ESR1: variants seen among roughly 807,000 people sequenced by gnomAD.
ESR1 encodes estrogen receptor 1.
Under a neutral mutation model 52.7 loss-of-function variants are expected in ESR1, and 12 were observed. The observed-to-expected ratio is 0.23, with a 90% CI of 0.15 to 0.37. The LOEUF (loss-of-function observed/expected upper bound fraction) is 0.37. ESR1 is among the 10% of genes least tolerant of loss of function. The pLI, the probability that ESR1 is intolerant of heterozygous loss-of-function variation, is 1.00. For synonymous variants in ESR1, 305 were observed against 316.8 expected, an observed-to-expected ratio of 0.96 and a Z score of 0.39; for missense variants, 584 against 779.7, an observed-to-expected ratio of 0.75 and a Z score of 2.99.
intron 5 of ESR1, among the ~76,000 whole-genome samples, chr6:152,028,270 C>G (rs1319592618): frequency 1.3e-5 from 2 of 152,320 alleles, no homozygotes; most frequent in East Asian, 3.9e-4. Context: ...CCAGGTTCAT[C>G]TCACTGGGGA....
At chr6:151,935,834 C>T (rs75109026) in intron 3 of ESR1, among the ~76,000 whole-genome samples, 2,033 of 152,266 alleles carry the variant, frequency 0.013, 49 homozygotes, top group African/African-American at 0.047. Flanking sequence ...TTCTAAATTT[C>T]TGTAACTTTA....
chr6:151,954,845 G>T (rs1355175842), intron 4 of ESR1, among the ~76,000 whole-genome samples: 1 of 152,096 alleles, frequency 6.6e-6, no homozygotes, highest in Non-Finnish European at 1.5e-5. Flanking sequence ...CTTTATTGCT[G>T]TCTACAATTC....
At chr6:151,903,912 G>A (rs543149970) in intron 3 of ESR1, among the ~76,000 whole-genome samples, 70 of 152,162 alleles carry the variant, frequency 4.6e-4, no homozygotes, top group African/African-American at 1.6e-3. Context: ...AATTTCTAGA[G>A]GTAGAGACAG....
chr6:151,714,090 G>A (rs1304421877), intron 2 of ESR1, among the ~76,000 whole-genome samples: 1 of 152,096 alleles, frequency 6.6e-6, no homozygotes, highest in South Asian at 2.1e-4. Flanking sequence ...CCTTAATTCT[G>A]TCATTTACAC....
intron 2 of ESR1, among the ~76,000 whole-genome samples, chr6:151,865,068 C>G (rs922627516): frequency 2.0e-5 from 3 of 151,912 alleles, no homozygotes; most frequent in African/African-American, 7.2e-5. Context: ...GCACATGTAC[C>G]CTAGAACTTA....
intron 5 of ESR1, among the ~76,000 whole-genome samples, chr6:152,036,743 T>C (rs1051431028): frequency 3.9e-5 from 6 of 152,170 alleles, no homozygotes; most frequent in Non-Finnish European, 7.3e-5. Context: ...TTTTCTATAG[T>C]ATGTAATTAC....
At chr6:151,811,876 C>T (rs1778892389) in intron 1 of ESR1, among the ~76,000 whole-genome samples, 1 of 152,152 alleles carries the variant, frequency 6.6e-6, no homozygotes, top group South Asian at 2.1e-4. Context: ...TTCACCTCCT[C>T]CATGTGGCTT....
At chr6:152,041,438 T>C (rs1487341795) in intron 5 of ESR1, among the ~76,000 whole-genome samples, 1 of 152,242 alleles carries the variant, frequency 6.6e-6, no homozygotes, top group Non-Finnish European at 1.5e-5. Context: ...CTAGGCATTG[T>C]GCCTCTTTCT....
At chr6:151,955,313 G>T (rs953935282) in intron 4 of ESR1, among the ~76,000 whole-genome samples, 5 of 152,136 alleles carry the variant, frequency 3.3e-5, no homozygotes, top group African/African-American at 7.2e-5. Flanking sequence ...GCTAGATAGG[G>T]TGTTGTGCAA....
chr6:152,010,639 A>G (rs1246376195), intron 4 of ESR1, among the ~76,000 whole-genome samples: 2 of 152,054 alleles, frequency 1.3e-5, no homozygotes, highest in African/African-American at 4.8e-5. Context: ...CACTTGATCC[A>G]AATTCTCTAA....
At chr6:151,673,468 G>A (rs888707569) in intron 1 of ESR1, among the ~76,000 whole-genome samples, 1 of 152,232 alleles carries the variant, frequency 6.6e-6, no homozygotes, top group Middle Eastern at 3.4e-3. Context: ...TGGTATTAAC[G>A]TGACTCTTTT....
intron 2 of ESR1, among the ~76,000 whole-genome samples, chr6:151,858,416 AT>A (rs1788268679): frequency 6.6e-6 from 1 of 152,098 alleles, no homozygotes; most frequent in African/African-American, 2.4e-5. Flanking sequence ...TCTGTCACTG[AT>A]TGCAGTTGCA....
intron 5 of ESR1, among the ~76,000 whole-genome samples, chr6:152,035,349 C>CA (rs1419620424): frequency 6.6e-6 from 1 of 151,360 alleles, no homozygotes; most frequent in Admixed American, 6.6e-5. Context: ...TCAAAACTAT[C>CA]ATGTATTTTG....
At chr6:151,709,982 T>C (rs950221619) in intron 2 of ESR1, among the ~76,000 whole-genome samples, 1 of 151,760 alleles carries the variant, frequency 6.6e-6, no homozygotes, top group Non-Finnish European at 1.5e-5. Flanking sequence ...TAGTATTTTT[T>C]ACATCTGGAA....
At chr6:152,035,287 T>C (rs1000097942) in intron 5 of ESR1, among the ~76,000 whole-genome samples, 23 of 150,618 alleles carry the variant, frequency 1.5e-4, no homozygotes, top group African/African-American at 5.6e-4. Context: ...TAATTATACA[T>C]ATATAATTTT....
chr6:152,099,544 C>A lies in ESR1; in HGVS notation c.*578C>A, dbSNP rs539841084. 2.1e-4 allele frequency: 51 copies of A among 244,142 alleles called. No individual in the cohort carries two copies. The highest frequency in any genetic ancestry group is 1.1e-3 in the African/African-American group (48 of 45,680). The allele number at this position is 244,142 out of a possible 1,614,324, so 15.1% of individuals were successfully genotyped here. On this transcript the variant is annotated 3_prime_UTR_variant, in exon 8 of 8. Transcript: ENST00000206249. ...GCAGAGTATCTGGTGATTGTCAATTCATTCCCCCTATAGGAATACAAGGGG... is the reference window on the plus strand; with the variant it reads ...GCAGAGTATCTGGTGATTGTCAATTAATTCCCCCTATAGGAATACAAGGGG...
chr6:152,053,844 G>A lies in ESR1; in HGVS notation c.1236-7147G>A, dbSNP rs1379706978. 1.3e-5 allele frequency among the ~76,000 whole-genome samples: 2 copies of A among 152,164 alleles called. No individual in the cohort carries two copies. The highest frequency in any genetic ancestry group is 4.8e-5 in the African/African-American group (2 of 41,440). On this transcript the variant is annotated intron_variant, in intron 5 of 7. Coordinates refer to ENST00000206249, the MANE Select transcript of ESR1 (RefSeq NM_000125.4). The surrounding 1 kb of genome is among the most constrained non-coding windows in gnomAD (Gnocchi z 4.1). ...AAAAGGTTAAATGTTTACACCCCTT[G>A]ATTCTGCTATTGTATGTGTAAGGAT...
At chr6:151,774,202 C>T (rs1785761467) in intron 2 of ESR1, among the ~76,000 whole-genome samples, 1 of 152,148 alleles carries the variant, frequency 6.6e-6, no homozygotes, top group East Asian at 1.9e-4. Context: ...GTACTGGCAA[C>T]CAAAGATGGG....
chr6:151,771,106 T>G (rs2128107910), intron 2 of ESR1, among the ~76,000 whole-genome samples: 1 of 152,316 alleles, frequency 6.6e-6, no homozygotes, highest in East Asian at 1.9e-4. Flanking sequence ...TGCTTAAAAT[T>G]TTCAGTTAAT....
Sources: allele counts gnomAD v4.1 joint callset (sites outside exome capture counted in the v4.1 genomes callset), GRCh38; gene constraint gnomAD v4.1.1; non-coding constraint Gnocchi (gnomAD v3.1); transcripts MANE v1.5; gene names NCBI Gene and HGNC (gene_info 2026-07-23, HGNC 2026-07-21).